The following PPP1R12C variants were observed in gnomAD, a reference collection of about 807,000 sequenced individuals.
PPP1R12C encodes protein phosphatase 1 regulatory subunit 12C.
PPP1R12C carries 48 observed loss-of-function variants against 95.6 expected under a neutral mutation model. The observed-to-expected ratio is 0.50, with a 90% confidence interval of 0.40 to 0.64. PPP1R12C has a LOEUF of 0.64. Ranked by LOEUF, PPP1R12C falls within the 30% of genes least tolerant of loss-of-function variation. PPP1R12C has a pLI of 0.00. For synonymous variants in PPP1R12C, 480 were observed against 460.8 expected (o/e 1.04, Z -0.53); for missense variants, 1,057 against 1,083.3 (o/e 0.98, Z 0.34).
At position 55,097,584 on chromosome 19, in the gene PPP1R12C, CCG is replaced by C. The variant is rs66608421; in HGVS notation, c.951+1198_951+1199del. 8.3e-3 allele frequency among the ~76,000 whole-genome samples: 62 copies of C among 7,484 alleles called. 2 individuals are homozygous for C. The highest frequency in any genetic ancestry group is 0.17 in the Middle Eastern group (2 of 12). The allele number at this position is 7,484 out of a possible 152,430, so 4.9% of individuals were successfully genotyped here. ...GTTCACCACCGTCTTCACCCCTTCC[CCG>C]CGCAGTTCACCACCGTCTTCGCCCC... On this transcript the variant is annotated intron_variant, in intron 6 of 21. Coordinates refer to ENST00000263433, the MANE Select transcript of PPP1R12C (RefSeq NM_017607.4).
intron 4 of PPP1R12C, among the ~76,000 whole-genome samples, chr19:55,100,338 G>T (rs993055917): frequency 6.6e-6 from 1 of 152,180 alleles, no homozygotes; most frequent in East Asian, 1.9e-4. Flanking sequence ...TCACAACCAG[G>T]GATGCTCCCA....
Position 55,095,341 on chromosome 19 carries a change from A to T in PPP1R12C, c.1404T>A (p.Leu468=). 1 of 1,592,872 alleles carries T rather than the reference A, an allele frequency of 6.3e-7. No homozygotes were observed. The highest frequency in any genetic ancestry group is 8.5e-7 in the Non-Finnish European group (1 of 1,169,852). Residue 468 remains leucine, a synonymous_variant, in exon 11 of 22, where the codon CTT becomes CTA. Coordinates refer to ENST00000263433, the MANE Select transcript of PPP1R12C (RefSeq NM_017607.4). Reference sequence around the variant, plus strand: ...GGGAGGGGGTCGGGGTAATTCTGGCAAGACGGAGCTCCTTGGCCTGTGTGG... The same window carrying T: ...GGGAGGGGGTCGGGGTAATTCTGGCTAGACGGAGCTCCTTGGCCTGTGTGG... ...GTSTQAKELR[L]ARITPTPSPK...
Position 55,112,620 on chromosome 19 carries a change from G to A in PPP1R12C, c.453-35C>T, listed in dbSNP as rs374166779. On this transcript the variant is annotated intron_variant, in intron 2 of 21. Coordinates refer to ENST00000263433, the MANE Select transcript of PPP1R12C (RefSeq NM_017607.4). The stretch of plus-strand genomic sequence containing the variant: ...GGGGCTGGTCAGGGCTGAGGGTCCA[G>A]GCCCCCACCCCGACCAGGTCCTGCC... The A allele has an allele frequency of 6.3e-5, 102 of 1,612,118 alleles. No individual in the cohort carries two copies. In the Middle Eastern group the frequency reaches 8.2e-4, roughly 13 times the overall value.
rs1361959020 is a variant in PPP1R12C at position 55,113,106 on chromosome 19, C to T, written c.322-311G>A. On this transcript the variant is annotated intron_variant, in intron 1 of 21. Transcript: ENST00000263433. ...AACCCCACATGGTACCTGTTAGACACGGCAAAACCCCCGTCACCACCCACA... is the reference window on the plus strand; with the variant it reads ...AACCCCACATGGTACCTGTTAGACATGGCAAAACCCCCGTCACCACCCACA... 4.2e-5 allele frequency: 22 copies of T among 518,398 alleles called. 1 individual carries two copies. Among genetic ancestry groups the T allele is most frequent in the African/African-American group, 1.5e-4 (8 of 52,748 alleles). The allele number at this position is 518,398 out of a possible 1,614,324, so 32.1% of individuals were successfully genotyped here. A position where few individuals can be genotyped will look rare whatever the true frequency, so the allele number is the denominator to read the frequency against.
In PPP1R12C at chr19:55,097,648, C is replaced by CCG. The variant is rs1417885124; in HGVS notation, c.951+1134_951+1135dup. On this transcript the variant is annotated intron_variant, in intron 6 of 21. Coordinates refer to ENST00000263433, the MANE Select transcript of PPP1R12C (RefSeq NM_017607.4). ...GTTCACCACCGTCTTCACCCCTTCC[C>CCG]CGCAGTTCACCACCGTCTTCGCCCC... Among the ~76,000 whole-genome samples the CCG allele has an allele frequency of 6.7e-5, 8 of 120,300 alleles. 1 individual carries two copies. Among genetic ancestry groups the CCG allele is most frequent in the Non-Finnish European group, 1.1e-4 (6 of 56,436 alleles). The allele number at this position is 120,300 out of a possible 152,430, so 78.9% of individuals were successfully genotyped here.
chr19:55,092,147 C>T (rs951900576), intron 19 of PPP1R12C, 75 bp downstream of exon 19: 4 of 1,365,350 alleles, frequency 2.9e-6, no homozygotes, highest in East Asian at 2.5e-5. Context: ...CCAGGCCAGG[C>T]TCTACCTCCC....
Position 55,092,494 on chromosome 19 carries a change from A to C in PPP1R12C, c.2003T>G (p.Leu668Arg). 1.2e-6 allele frequency: 2 copies of C among 1,609,928 alleles called. No homozygotes were observed. The highest frequency in any genetic ancestry group is 1.7e-6 in the Non-Finnish European group (2 of 1,178,566). The part of the protein sequence containing the change: ...SARRQRWQRD[L>R]NPEPEPESEE... ...CGATTCTGGCTCAGGTTCTGGGTTG[A>C]GGTCCCGCTGCCACCGCTGCCTGCG... The change falls in exon 18 of 22, where the codon CTC becomes CGC. Residue 668 changes from leucine to arginine, a missense_variant. Physicochemically the swap from Leu to Arg is moderately radical, Grantham distance 102. Around this residue, in one of 5 missense-constraint regions of PPP1R12C, gnomAD observed 347 missense variants for 307.9 expected, o/e 1.13. Transcript: ENST00000263433.
intron 3 of PPP1R12C, among the ~76,000 whole-genome samples, chr19:55,104,402 T>C (rs2085015467): frequency 6.6e-6 from 1 of 151,554 alleles, no homozygotes; most frequent in Admixed American, 6.6e-5. Flanking sequence ...ATGAAGATGC[T>C]GGATTAAGAT....
At position 55,091,341 on chromosome 19, in the gene PPP1R12C, C is replaced by T. The variant is rs1054548875; in HGVS notation, c.*131G>A. On this transcript the variant is annotated 3_prime_UTR_variant, in exon 22 of 22. Transcript: ENST00000263433. ...TGGGGACTCTGCTCCCCTCCCAGTCCGGAGGTCCCAGGGGGGCTATGGCTT... is the reference window on the plus strand; with the variant it reads ...TGGGGACTCTGCTCCCCTCCCAGTCTGGAGGTCCCAGGGGGGCTATGGCTT... 31 of 988,562 alleles carry T rather than the reference C, an allele frequency of 3.1e-5. No homozygotes were observed. The highest frequency in any genetic ancestry group is 4.8e-5 in the African/African-American group (3 of 62,018). The allele number at this position is 988,562 out of a possible 1,614,324, so 61.2% of individuals were successfully genotyped here.
Position 55,117,386 on chromosome 19 carries a change from G to A in PPP1R12C, c.158C>T (p.Ala53Val). The change falls in exon 1 of 22, where the codon GCC becomes GTC. Residue 53 changes from alanine (A) to valine (V), a missense_variant. Ala to Val is a moderately conservative substitution (Grantham distance 64). Around this residue, in one of 5 missense-constraint regions of PPP1R12C, gnomAD observed 282 missense variants for 380.4 expected, o/e 0.74. Coordinates refer to ENST00000263433, the MANE Select transcript of PPP1R12C (RefSeq NM_017607.4). ...RARTVRFERA[A>V]EFLAACAGGD... ...GCCCGCACAGGCCGCCAGGAACTCG[G>A]CGGCGCGCTCGAAGCGGACGGTGCG... The A allele has an allele frequency of 1.9e-6, 2 of 1,078,654 alleles. No homozygotes were observed. Among genetic ancestry groups the A allele is most frequent in the Non-Finnish European group, 2.2e-6 (2 of 892,000 alleles). 66.8% of individuals were successfully genotyped at this position (1,078,654 alleles called of 1,614,324 possible).
chr19:55,094,538 A>G, intron 12 of PPP1R12C, 103 bp from the exon 13 acceptor site: 2 of 1,571,768 alleles, frequency 1.3e-6, no homozygotes, highest in Non-Finnish European at 1.7e-6. Context: ...GGGGACTCCA[A>G]CTCCCAGCAG....
At chr19:55,115,953 T>A (rs73060940) in intron 1 of PPP1R12C, among the ~76,000 whole-genome samples, 4 of 152,210 alleles carry the variant, frequency 2.6e-5, no homozygotes, top group Non-Finnish European at 4.4e-5. Context: ...CTCGGACCCC[T>A]GGAAGATGCC....
At chr19:55,094,550 C>T (rs1602974024) in intron 12 of PPP1R12C, 111 bp downstream of exon 12, 5 of 1,558,578 alleles carry the variant, frequency 3.2e-6, no homozygotes, top group East Asian at 2.3e-5. Context: ...TCCCAGCAGA[C>T]CTGAGGCCAG....
chr19:55,103,621 C>G, intron 3 of PPP1R12C, 53 bp from the exon 4 acceptor site: 1 of 1,464,662 alleles, frequency 6.8e-7, no homozygotes, highest in Non-Finnish European at 9.2e-7. Context: ...CCTGAAATAC[C>G]CAGGGTCATA....
chr19:55,094,829 A>G, intron 11 of PPP1R12C, 31 bp from the exon 12 acceptor site: 1 of 1,564,776 alleles, frequency 6.4e-7, no homozygotes, highest in African/African-American at 1.3e-5. Flanking sequence ...CACAAACATT[A>G]CCCAGGTGCA....
chr19:55,113,435 G>T (rs2085119597), intron 1 of PPP1R12C: 1 of 1,503,532 alleles, frequency 6.7e-7, no homozygotes, highest in East Asian at 2.6e-5. Context: ...GTTCACTGAG[G>T]CCCCCTCTGC....
chr19:55,116,539 C>G (rs2085155641), intron 1 of PPP1R12C, among the ~76,000 whole-genome samples: 1 of 152,124 alleles, frequency 6.6e-6, no homozygotes, highest in Non-Finnish European at 1.5e-5. Flanking sequence ...GCGGCACAGG[C>G]CCAGGGGAGA....
At chr19:55,091,588 C>T (rs1228403767) in intron 21 of PPP1R12C, 30 bp from the exon 22 acceptor site, 1 of 1,611,512 alleles carries the variant, frequency 6.2e-7, no homozygotes, top group Admixed American at 1.7e-5. Context: ...AGCTGGGCAG[C>T]CCTGGCGGGT....
At position 55,091,661 on chromosome 19, in the gene PPP1R12C, C is replaced by G; in HGVS notation, c.2251G>C (p.Glu751Gln). 1 of 1,611,540 alleles carries G rather than the reference C, an allele frequency of 6.2e-7. No individual in the cohort carries two copies. The highest frequency in any genetic ancestry group is 8.5e-7 in the Non-Finnish European group (1 of 1,178,876). The change falls in exon 21 of 22, where the codon GAG becomes CAG. Residue 751 changes from glutamate to glutamine, a missense_variant. By Grantham distance (29) the Glu-to-Gln change is conservative. Transcript: ENST00000263433. ...CCCACAGCCCCCACCTTCAGCTCCT[C>G]CTCCAGCTCTGCGGCCTTGCGTTCC... ...ALERKAAELE[E>Q]ELKALSDLRA...
Sources: allele counts gnomAD v4.1 joint callset (sites outside exome capture counted in the v4.1 genomes callset), GRCh38; gene constraint gnomAD v4.1.1; regional missense constraint gnomAD v4.1.1; transcripts MANE v1.5; gene names NCBI Gene and HGNC (gene_info 2026-07-23, HGNC 2026-07-21).